Variants in CTNNA2 observed in about 807,000 individuals in gnomAD.
CTNNA2 encodes the protein catenin alpha 2.
A neutral mutation model predicts 101.0 loss-of-function variants in CTNNA2; 42 were observed. The observed-to-expected ratio is 0.42, with a 90% CI of 0.32 to 0.54. The LOEUF (loss-of-function observed/expected upper bound fraction) is 0.54. Ranked by LOEUF, CTNNA2 falls within the 20% of genes least tolerant of loss-of-function variation. The probability of loss-of-function intolerance (pLI) is 0.14; values close to 1 mark genes in which losing one functional copy is unlikely to be tolerated. For synonymous variants in CTNNA2, 450 were observed against 456.4 expected (o/e 0.99, Z 0.18); for missense variants, 871 against 1,223.1 (o/e 0.71, Z 4.29).
chr2:79,736,611 TCAAA>T (rs1177034600), intron 2 of CTNNA2, among the ~76,000 whole-genome samples: 1 of 152,226 alleles, frequency 6.6e-6, no homozygotes, highest in Non-Finnish European at 1.5e-5. Flanking sequence ...AATTTTGTCT[TCAAA>T]CATTCACCCC....
At chr2:80,183,509 G>A (rs779771245) in intron 7 of CTNNA2, among the ~76,000 whole-genome samples, 2 of 152,190 alleles carry the variant, frequency 1.3e-5, no homozygotes, top group African/African-American at 2.4e-5. Context: ...TTCTATGGAT[G>A]ACATTTTCTT....
chr2:80,392,366 A>G (rs1180637247), intron 7 of CTNNA2, among the ~76,000 whole-genome samples: 1 of 152,196 alleles, frequency 6.6e-6, no homozygotes, highest in Non-Finnish European at 1.5e-5. Flanking sequence ...GTTTTTGAAA[A>G]CATTTATCTT....
rs1674318730 is a variant in CTNNA2, at chr2:80,648,226, G to C, written c.*354G>C. ...CTCTAATGCATGCAAGAATCATTAGGTTGGCAGGTATATGCATAAGTGAAA... is the reference window on the plus strand; with the variant it reads ...CTCTAATGCATGCAAGAATCATTAGCTTGGCAGGTATATGCATAAGTGAAA... On this transcript the variant is annotated 3_prime_UTR_variant, in exon 19 of 19. Coordinates refer to ENST00000402739, the MANE Select transcript of CTNNA2 (RefSeq NM_001282597.3). 1 of 167,600 alleles carries C rather than the reference G, an allele frequency of 6.0e-6. No homozygotes were observed. The highest frequency in any genetic ancestry group is 6.1e-5 in the Admixed American group (1 of 16,486). 10.4% of individuals were successfully genotyped at this position (167,600 alleles called of 1,614,324 possible). A position where few individuals can be genotyped will look rare whatever the true frequency, so the allele number is the denominator to read the frequency against.
intron 7 of CTNNA2, among the ~76,000 whole-genome samples, chr2:80,231,699 A>G (rs112685305): frequency 6.6e-6 from 1 of 152,142 alleles, no homozygotes; most frequent in Non-Finnish European, 1.5e-5. Context: ...CCAAATTCCA[A>G]CCTGACACTG....
chr2:80,110,669 G>A (rs1701161880), intron 7 of CTNNA2, among the ~76,000 whole-genome samples: 1 of 152,174 alleles, frequency 6.6e-6, no homozygotes, highest in Admixed American at 6.6e-5. Context: ...TAGCTACTTG[G>A]AGCCTCAGCA....
intron 6 of CTNNA2, among the ~76,000 whole-genome samples, chr2:79,878,761 C>G (rs1683207285): frequency 1.3e-5 from 2 of 152,088 alleles, no homozygotes; most frequent in Non-Finnish European, 1.5e-5. Flanking sequence ...AAATTTTCTC[C>G]CATTCCGTAG....
chr2:79,214,434 C>T (rs578070083), intron 2 of CTNNA2, among the ~76,000 whole-genome samples: 6 of 152,208 alleles, frequency 3.9e-5, no homozygotes, highest in Admixed American at 1.3e-4. Flanking sequence ...CTGTAAGGCT[C>T]GTCTGGTTCT....
At chr2:80,602,022 T>A (rs1241231042) in intron 15 of CTNNA2, 1 of 152,100 alleles carries the variant, frequency 6.6e-6, no homozygotes, top group Non-Finnish European at 1.5e-5. Context: ...CATTTGGGCA[T>A]GTTACTTTGT....
At chr2:79,464,607 A>G (rs535187130) in intron 4 of CTNNA2, among the ~76,000 whole-genome samples, 11 of 152,260 alleles carry the variant, frequency 7.2e-5, no homozygotes, top group African/African-American at 2.4e-4. Context: ...CCAACAGTGT[A>G]AAAGTGTTCC....
intron 7 of CTNNA2, among the ~76,000 whole-genome samples, chr2:79,924,166 A>G (rs866024233): frequency 9.2e-5 from 14 of 152,260 alleles, no homozygotes; most frequent in Middle Eastern, 3.4e-3. Context: ...ATTTTTGGCA[A>G]TGGGGATGAA....
chr2:79,879,241 A>G (rs1019573684), intron 6 of CTNNA2, among the ~76,000 whole-genome samples: 1 of 152,178 alleles, frequency 6.6e-6, no homozygotes, highest in Non-Finnish European at 1.5e-5. Flanking sequence ...GTTTGAAGTC[A>G]GGTAGCATGA....
In CTNNA2 at chr2:80,406,844, A is replaced by G. The variant is rs543203481; in HGVS notation, c.1138-12605A>G. Among the ~76,000 whole-genome samples, 450 of 151,600 alleles carry G rather than the reference A, an allele frequency of 3.0e-3. 3 individuals are homozygous for G. The highest frequency in any genetic ancestry group is 9.5e-3 in the African/African-American group (392 of 41,304). Reference sequence around the variant, plus strand: ...TCCATCTCAAAAAAAAAAAAAAAAAAAAAAGAAAAGGGATAACTTGTGACT... The same window carrying G: ...TCCATCTCAAAAAAAAAAAAAAAAAGAAAAGAAAAGGGATAACTTGTGACT... On this transcript the variant is annotated intron_variant, in intron 8 of 18. Transcript: ENST00000402739.
At chr2:80,508,150 A>G (rs1688417959) in intron 9 of CTNNA2, among the ~76,000 whole-genome samples, 1 of 152,160 alleles carries the variant, frequency 6.6e-6, no homozygotes, top group African/African-American at 2.4e-5. Flanking sequence ...TGAGACGGGT[A>G]CTTTCCAGAA....
At chr2:79,911,043 T>A (rs1685760074) in intron 7 of CTNNA2, among the ~76,000 whole-genome samples, 2 of 152,208 alleles carry the variant, frequency 1.3e-5, no homozygotes, top group African/African-American at 4.8e-5. Flanking sequence ...AAAATGTGGA[T>A]GCATCATGTG....
rs542354258 is a variant in CTNNA2, at chr2:79,406,447, G to A, written c.-135+32434G>A. ...CAATGGGCATGAGAGAAAAGGCTGA[G>A]CAGCTATGGACCACCTCACTCTGGA... is the stretch of plus-strand genomic sequence containing the variant. On this transcript the variant is annotated intron_variant, in intron 4 of 21. Coordinates refer to the CTNNA2 transcript ENST00000466387. Among the ~76,000 whole-genome samples the A allele has an allele frequency of 8.5e-5, 13 of 152,142 alleles. No individual in the cohort carries two copies. In the South Asian group the frequency reaches 1.9e-3, roughly 22 times the overall value.
intron 7 of CTNNA2, among the ~76,000 whole-genome samples, chr2:80,349,152 C>T (rs572412881): frequency 1.3e-5 from 2 of 152,214 alleles, no homozygotes; most frequent in South Asian, 2.1e-4. Flanking sequence ...CCTGACTGTT[C>T]TCATTGCCTG....
Position 80,534,183 on chromosome 2 carries a change from C to G in CTNNA2, c.1291-10799C>G, listed in dbSNP as rs578117946. 1.2e-4 allele frequency among the ~76,000 whole-genome samples: 19 copies of G among 152,208 alleles called. No individual in the cohort carries two copies. The East Asian group carries it at 2.5e-3, about 20-fold the overall frequency. ...CAGGCAAAAGAGCTGCTCTTCATCC[C>G]AGAAGAGCTCTAGAAAATGCAGATT... On this transcript the variant is annotated intron_variant, in intron 9 of 18. Coordinates refer to ENST00000402739, the MANE Select transcript of CTNNA2 (RefSeq NM_001282597.3).
chr2:79,629,032 A>G (rs2163344), intron 1 of CTNNA2, among the ~76,000 whole-genome samples: 87,464 of 152,016 alleles, frequency 0.58, 25,824 homozygotes, highest in East Asian at 0.73. Flanking sequence ...CAAGAATAAA[A>G]TCTATGTCTT....
At chr2:80,365,471 G>A (rs75716040) in intron 7 of CTNNA2, among the ~76,000 whole-genome samples, 2 of 151,064 alleles carry the variant, frequency 1.3e-5, no homozygotes, top group East Asian at 3.9e-4. Context: ...TTTTAAAAAT[G>A]TACTCATCAA....
Sources: allele counts gnomAD v4.1 joint callset (sites outside exome capture counted in the v4.1 genomes callset), GRCh38; gene constraint gnomAD v4.1.1; transcripts MANE v1.5; gene names NCBI Gene and HGNC (gene_info 2026-07-23, HGNC 2026-07-21).